The following MIPOL1 variants were observed in gnomAD, a reference collection of about 807,000 sequenced individuals.
MIPOL1 encodes the protein mirror-image polydactyly gene 1 protein.
MIPOL1 carries 57 observed loss-of-function variants against 60.9 expected under a neutral mutation model. The observed-to-expected ratio is 0.94, with a 90% CI of 0.76 to 1.17. MIPOL1 has a LOEUF of 1.17. MIPOL1 is among the 50% of genes most tolerant of loss of function. The probability of loss-of-function intolerance (pLI) is 0.00; values close to 1 mark genes in which losing one functional copy is unlikely to be tolerated. For missense variants in MIPOL1, 551 were observed against 511.6 expected (o/e 1.08, Z -0.74); for synonymous variants, 179 against 168.8 (o/e 1.06, Z -0.47).
At chr14:37,259,191 G>A (rs1335413996) in intron 3 of MIPOL1, among the ~76,000 whole-genome samples, 1 of 152,084 alleles carries the variant, frequency 6.6e-6, no homozygotes, top group Non-Finnish European at 1.5e-5. Context: ...GTATCTTATA[G>A]CTACACGTAG....
chr14:37,469,526 A>G (rs924006693), intron 11 of MIPOL1, among the ~76,000 whole-genome samples: 1 of 152,186 alleles, frequency 6.6e-6, no homozygotes, highest in Non-Finnish European at 1.5e-5. Context: ...GATGCAAACC[A>G]TATCATGTGG....
chr14:37,351,470 T>C (rs2091369813), intron 9 of MIPOL1, among the ~76,000 whole-genome samples: 1 of 151,968 alleles, frequency 6.6e-6, no homozygotes, highest in South Asian at 2.1e-4. Context: ...TCTAGATCCC[T>C]GAGGAATCGC....
chr14:37,207,760 G>A (rs1431254082), intron 1 of MIPOL1, among the ~76,000 whole-genome samples: 1 of 149,894 alleles, frequency 6.7e-6, no homozygotes, highest in Non-Finnish European at 1.5e-5. Context: ...TGGCCAGGCT[G>A]GTCTTGAACT....
chr14:37,350,196 G>A (rs137961401), intron 9 of MIPOL1, among the ~76,000 whole-genome samples: 116 of 152,082 alleles, frequency 7.6e-4, no homozygotes, highest in African/African-American at 2.5e-3. Context: ...TTCAGCCTCC[G>A]TAATGGCTGG....
chr14:37,445,673 T>C (rs1057203604), intron 11 of MIPOL1, among the ~76,000 whole-genome samples: 1 of 151,896 alleles, frequency 6.6e-6, no homozygotes, highest in African/African-American at 2.4e-5. Context: ...CTTCAAACTA[T>C]ACTACAAGGC....
At chr14:37,258,910 A>G (rs74689523) in intron 3 of MIPOL1, among the ~76,000 whole-genome samples, 2 of 151,866 alleles carry the variant, frequency 1.3e-5, no homozygotes, top group Admixed American at 1.3e-4. Context: ...GAAAAAAAAA[A>G]GAATAAAATT....
intron 11 of MIPOL1, among the ~76,000 whole-genome samples, chr14:37,447,173 G>A (rs1401641374): frequency 6.6e-6 from 1 of 151,904 alleles, no homozygotes; most frequent in Non-Finnish European, 1.5e-5. Flanking sequence ...TAGGGAAAAG[G>A]CCACCATTCA....
chr14:37,379,753 A>T (rs2092876459), intron 10 of MIPOL1, among the ~76,000 whole-genome samples: 1 of 152,116 alleles, frequency 6.6e-6, no homozygotes, highest in African/African-American at 2.4e-5. Context: ...AAAGTTTAAA[A>T]GTAGAAAAAT....
At position 37,387,258 on chromosome 14, in the gene MIPOL1, T is replaced by C. The variant is rs187716930; in HGVS notation, c.936+17634T>C. On this transcript the variant is annotated intron_variant, in intron 10 of 12. Coordinates refer to ENST00000684589, the MANE Select transcript of MIPOL1 (RefSeq NM_001388067.1). The stretch of plus-strand genomic sequence containing the variant: ...TTTTGAATATAAGGAAAGTGGTAAA[T>C]TTATTTTAAATGGCATAAATTACAT... 7.9e-5 allele frequency among the ~76,000 whole-genome samples: 12 copies of C among 151,990 alleles called. No homozygotes were observed. In the East Asian group the frequency reaches 2.3e-3, roughly 29 times the overall value.
At chr14:37,354,907 A>C (rs2091686373) in intron 9 of MIPOL1, among the ~76,000 whole-genome samples, 1 of 22,398 alleles carries the variant, frequency 4.5e-5, no homozygotes, top group Admixed American at 6.6e-4. Flanking sequence ...GTCCATTTAC[A>C]TTTAAGGTTA....
At position 37,298,031 on chromosome 14, in the gene MIPOL1, T is replaced by G. The variant is rs886565297; in HGVS notation, c.624-10025T>G. 2.0e-5 allele frequency among the ~76,000 whole-genome samples: 3 copies of G among 152,164 alleles called. 1 individual carries two copies. Among genetic ancestry groups the G allele is most frequent in the African/African-American group, 7.2e-5 (3 of 41,524 alleles). On this transcript the variant is annotated intron_variant, in intron 7 of 12. Transcript: ENST00000684589. The stretch of plus-strand genomic sequence containing the variant: ...CAAAAGAACAAAGCTGGAGGCATCA[T>G]GCTACCTGACTTCAAACTATACTAC...
At chr14:37,227,048 A>G (rs1420175468) in intron 1 of MIPOL1, among the ~76,000 whole-genome samples, 1 of 152,206 alleles carries the variant, frequency 6.6e-6, no homozygotes, top group Non-Finnish European at 1.5e-5. Flanking sequence ...CTCATAAGGC[A>G]TATGTATTAG....
intron 10 of MIPOL1, among the ~76,000 whole-genome samples, chr14:37,383,173 A>G (rs1301381799): frequency 6.6e-6 from 1 of 151,856 alleles, no homozygotes; most frequent in Non-Finnish European, 1.5e-5. Flanking sequence ...TCACAAAATC[A>G]TGCAACATAG....
chr14:37,283,554 A>G (rs763168139), intron 6 of MIPOL1, among the ~76,000 whole-genome samples: 5 of 152,154 alleles, frequency 3.3e-5, no homozygotes, highest in Admixed American at 1.3e-4. Context: ...TAGATTTTTA[A>G]TATGTAAGCA....
intron 11 of MIPOL1, among the ~76,000 whole-genome samples, chr14:37,477,952 A>T (rs1295970189): frequency 3.3e-5 from 5 of 152,240 alleles, no homozygotes; most frequent in Non-Finnish European, 7.3e-5. Context: ...TATTGTTGAA[A>T]ATGTCTAAAT....
chr14:37,393,932 G>A (rs1206505660), intron 10 of MIPOL1, among the ~76,000 whole-genome samples: 1 of 150,034 alleles, frequency 6.7e-6, no homozygotes, highest in African/African-American at 2.5e-5. Context: ...CCACTTATCA[G>A]TGAGAACATA....
rs150323955 is a variant in MIPOL1 at position 37,420,940 on chromosome 14, C to T, written c.937-1915C>T. Among the ~76,000 whole-genome samples the T allele has an allele frequency of 4.7e-3, 710 of 152,034 alleles. 4 individuals carry two copies. The highest frequency in any genetic ancestry group is 0.015 in the African/African-American group (630 of 41,478). On this transcript the variant is annotated intron_variant, in intron 10 of 12. Coordinates refer to ENST00000684589, the MANE Select transcript of MIPOL1 (RefSeq NM_001388067.1). ...CATATATCTGATAAAGTAAGGATAT[C>T]GTAAAGCCAGAAAGTTTATAATAGC...
intron 9 of MIPOL1, among the ~76,000 whole-genome samples, chr14:37,359,340 C>G (rs1192566147): frequency 6.6e-6 from 1 of 152,108 alleles, no homozygotes; most frequent in African/African-American, 2.4e-5. Context: ...TCCATATGAA[C>G]TTTAAAGTAG....
At chr14:37,538,339 TTA>T (rs2095515349) in intron 12 of MIPOL1, among the ~76,000 whole-genome samples, 1 of 152,212 alleles carries the variant, frequency 6.6e-6, no homozygotes. Context: ...AGAATACATA[TTA>T]TACTCTGTAA....
Sources: allele counts gnomAD v4.1 joint callset (sites outside exome capture counted in the v4.1 genomes callset), GRCh38; gene constraint gnomAD v4.1.1; transcripts MANE v1.5; gene names NCBI Gene and HGNC (gene_info 2026-07-23, HGNC 2026-07-21).